PCDHGB1: variants seen among roughly 807,000 people sequenced by gnomAD.
PCDHGB1 encodes protocadherin gamma-B1.
Under a neutral mutation model 56.6 loss-of-function variants are expected in PCDHGB1, and 34 were observed. The ratio of observed to expected loss-of-function variants is 0.60; its 90% CI spans 0.46 to 0.80. PCDHGB1 has a LOEUF of 0.80. Among genes scored for constraint, PCDHGB1 ranks in the 30% least tolerant of loss-of-function variants. The pLI is 0.00. For synonymous variants in PCDHGB1, 561 were observed against 505.9 expected (o/e 1.11, Z -1.46); for missense variants, 1,278 against 1,204.6 (o/e 1.06, Z -0.90).
intron 1 of PCDHGB1, chr5:141,419,377 C>A (rs2096371335): frequency 6.2e-7 from 1 of 1,613,572 alleles, no homozygotes; most frequent in African/African-American, 1.3e-5. Flanking sequence ...CCTACGTGTC[C>A]GTGAGCGCGC....
rs1258752203 is a variant in PCDHGB1, at chr5:141,431,160, G to C, written c.2410-63647G>C. On this transcript the variant is annotated intron_variant, in intron 1 of 3. Coordinates refer to ENST00000523390, the MANE Select transcript of PCDHGB1 (RefSeq NM_018922.3). The surrounding 1 kb of genome is among the most constrained non-coding windows in gnomAD (Gnocchi z 4.8). ...ATTAACGACAATGCGCCTTACTTTC[G>C]TGAAAGTGAATTAGAAATAAAAATT... is the stretch of plus-strand genomic sequence containing the variant. The C allele has an allele frequency of 6.2e-7, 1 of 1,614,198 alleles. No homozygotes were observed. Among genetic ancestry groups the C allele is most frequent in the South Asian group, 1.1e-5 (1 of 91,084 alleles).
At chr5:141,433,123 C>T (rs575738328) in intron 1 of PCDHGB1, 5 of 1,614,116 alleles carry the variant, frequency 3.1e-6, no homozygotes, top group African/African-American at 2.7e-5. Context: ...TTGAAAAAAG[C>T]GAGCCCCTTT....
chr5:141,360,606 C>G, intron 1 of PCDHGB1: 1 of 1,613,962 alleles, frequency 6.2e-7, no homozygotes, highest in Middle Eastern at 1.6e-4. Flanking sequence ...TTGACCCAGC[C>G]CTGGATTCAG....
intron 1 of PCDHGB1, chr5:141,354,965 ACTCTGGGTG>A (rs1382443013): frequency 5.9e-6 from 3 of 506,296 alleles, no homozygotes; most frequent in African/African-American, 3.9e-5. Context: ...ACAGGTTAAG[ACTCTGGGTG>A]TCGCTGTTCA....
At chr5:141,503,679 G>A (rs562303239) in intron 2 of PCDHGB1, among the ~76,000 whole-genome samples, 1 of 152,054 alleles carries the variant, frequency 6.6e-6, no homozygotes, top group East Asian at 1.9e-4. Context: ...CCACTTTTGG[G>A]AAGGAGAATT....
chr5:141,350,453 C>A lies in PCDHGB1; in HGVS notation c.193C>A (p.Arg65=), dbSNP rs373789913. Residue 65 remains arginine (R), a synonymous_variant, in exon 1 of 4, where the codon CGG becomes AGG. Transcript: ENST00000523390. ...CCGGGAGTTGCCAACTCGAAAACTG[C>A]GGGTTAGTGCAGAGGATTATTTCAA... ...SVRELPTRKL[R]VSAEDYFNVS... The A allele has an allele frequency of 4.2e-5, 68 of 1,611,408 alleles. No individual in the cohort carries two copies. The highest frequency in any genetic ancestry group is 1.1e-4 in the South Asian group (10 of 91,028).
At chr5:141,381,530 T>C (rs1035264051) in intron 1 of PCDHGB1, among the ~76,000 whole-genome samples, 1 of 152,196 alleles carries the variant, frequency 6.6e-6, no homozygotes. Context: ...TTGAATTGCA[T>C]ACTAGGATGA....
At chr5:141,448,488 C>A (rs568050769) in intron 1 of PCDHGB1, among the ~76,000 whole-genome samples, 1 of 152,280 alleles carries the variant, frequency 6.6e-6, no homozygotes, top group African/African-American at 2.4e-5. Context: ...TTCCTCCTGT[C>A]CCCTGTAGGT....
intron 1 of PCDHGB1, chr5:141,377,299 G>A (rs1270863261): frequency 6.6e-6 from 1 of 152,100 alleles, no homozygotes; most frequent in African/African-American, 2.4e-5. Flanking sequence ...ATTTAGGTCA[G>A]TGTTAAAGAT....
At chr5:141,361,334 A>G (rs1761976311) in intron 1 of PCDHGB1, 2 of 1,613,846 alleles carry the variant, frequency 1.2e-6, no homozygotes, top group Non-Finnish European at 1.7e-6. Flanking sequence ...TCCTCAAAGA[A>G]CTATTACAAA....
At chr5:141,422,209 C>G (rs1463323983) in intron 1 of PCDHGB1, 1 of 1,561,666 alleles carries the variant, frequency 6.4e-7, no homozygotes, top group East Asian at 2.2e-5. Context: ...TGGTGGAGGT[C>G]TCTTTACCAC....
rs777668071 is a variant in PCDHGB1 at position 141,491,848 on chromosome 5, C to G, written c.2410-2959C>G. The G allele has an allele frequency of 3.4e-6, 5 of 1,461,482 alleles. No homozygotes were observed. The highest frequency in any genetic ancestry group is 4.5e-6 in the Non-Finnish European group (5 of 1,104,578). 90.5% of individuals were successfully genotyped at this position (1,461,482 alleles called of 1,614,324 possible). A position where few individuals can be genotyped will look rare whatever the true frequency, so the allele number is the denominator to read the frequency against. ...CACCCGATTCTCGGGATCATTGGAC[C>G]GTTTGCGCGAAACCAGAGTGGCCGA... On this transcript the variant is annotated intron_variant, in intron 1 of 3. Transcript: ENST00000523390. The surrounding 1 kb of genome is among the most constrained non-coding windows in gnomAD (Gnocchi z 6.9).
At chr5:141,492,385 G>A (rs1224771842) in intron 1 of PCDHGB1, among the ~76,000 whole-genome samples, 1 of 152,208 alleles carries the variant, frequency 6.6e-6, no homozygotes, top group Non-Finnish European at 1.5e-5. Context: ...GGCCTGTTCC[G>A]GTCCACTCGC....
intron 1 of PCDHGB1, chr5:141,413,712 T>A (rs1405825615): frequency 9.9e-6 from 16 of 1,613,454 alleles, no homozygotes; most frequent in Middle Eastern, 3.3e-4. Context: ...TCAGCCCCAA[T>A]AAGCACTTCT....
intron 1 of PCDHGB1, among the ~76,000 whole-genome samples, chr5:141,480,408 C>A (rs371569489): frequency 7.2e-6 from 1 of 138,932 alleles, no homozygotes; most frequent in African/African-American, 2.9e-5. Flanking sequence ...GAGTGAGACC[C>A]TGTCTCAAAA....
At chr5:141,455,605 T>C (rs930071553) in intron 1 of PCDHGB1, among the ~76,000 whole-genome samples, 2 of 152,098 alleles carry the variant, frequency 1.3e-5, no homozygotes, top group African/African-American at 4.8e-5. Flanking sequence ...TAGGGCGCCA[T>C]GGATGTTCTA....
rs756993242 is a variant in PCDHGB1 at position 141,432,265 on chromosome 5, G to T, written c.2410-62542G>T. 2.5e-6 allele frequency: 4 copies of T among 1,614,210 alleles called. No homozygotes were observed. The South Asian group carries it at 3.3e-5, about 13-fold the overall frequency. ...ACACCATCCAAGGGGCAAGCCTATC[G>T]TCCTACGTGTCCATCAACTCCGACA... On this transcript the variant is annotated intron_variant, in intron 1 of 3. Coordinates refer to ENST00000523390, the MANE Select transcript of PCDHGB1 (RefSeq NM_018922.3). This position sits in a 1 kb window ranked among gnomAD's most constrained non-coding sequence, Gnocchi z 6.0.
At chr5:141,423,029 A>C (rs1049470142) in intron 1 of PCDHGB1, 1 of 1,614,218 alleles carries the variant, frequency 6.2e-7, no homozygotes, top group Non-Finnish European at 8.5e-7. Context: ...GATTCAGGCC[A>C]GAACGCCTGG....
intron 1 of PCDHGB1, chr5:141,424,500 G>A (rs2154550788): frequency 6.6e-6 from 1 of 152,208 alleles, no homozygotes; most frequent in African/African-American, 2.4e-5. Flanking sequence ...TGTATGTATG[G>A]AAGGTTTTTT....
Sources: gnomAD v4.1 joint callset for allele counts (sites outside exome capture counted in the v4.1 genomes callset) on GRCh38, gnomAD v4.1.1 for gene constraint, Gnocchi (gnomAD v3.1) non-coding constraint, MANE v1.5 for transcripts, NCBI Gene and HGNC (gene_info 2026-07-23, HGNC 2026-07-21) for gene names.